The following LIAT1 variants were observed in gnomAD, a reference collection of about 807,000 sequenced individuals.
LIAT1 encodes ligand of ATE1, also known as protein LIAT1.
chr17:410,795 G>C, the LIAT1 span: 4 of 705,026 alleles, frequency 5.7e-6, no homozygotes, highest in Middle Eastern at 1.1e-3. Context: ...CCCGTCAGCA[G>C]CACGTTGATG....
At chr17:414,299 G>A in the LIAT1 span, 1 of 661,732 alleles carries the variant, frequency 1.5e-6, no homozygotes, top group Admixed American at 2.8e-5. The surrounding 1 kb of genome is among the most constrained non-coding windows in gnomAD (Gnocchi z 4.1). Flanking sequence ...ACAGTGCCTT[G>A]AGAACATAAG....
At chr17:414,271 C>T in the LIAT1 span, 43 of 925,498 alleles carry the variant, frequency 4.6e-5, no homozygotes, top group Non-Finnish European at 6.5e-5. The surrounding 1 kb of genome is among the most constrained non-coding windows in gnomAD (Gnocchi z 4.1). Context: ...AAGCTGCCCT[C>T]GGTTGCCCAG....
the LIAT1 span, among the ~76,000 whole-genome samples, chr17:411,534 C>A: frequency 1.3e-5 from 2 of 152,078 alleles, no homozygotes; most frequent in Non-Finnish European, 2.9e-5. Context: ...CCCTGTCTCT[C>A]AAAAAAACAA....
At chr17:413,491 C>G in the LIAT1 span, 3 of 1,497,158 alleles carry the variant, frequency 2.0e-6, no homozygotes, top group Non-Finnish European at 2.7e-6. Context: ...AGGGCTTCCA[C>G]CCCGACCCCG....
the LIAT1 span, chr17:413,330 G>A: frequency 6.2e-7 from 1 of 1,614,246 alleles, no homozygotes. Context: ...AGAGAACCTT[G>A]CGAATCGGAT....
At chr17:410,625 A>G in the LIAT1 span, 1 of 1,542,294 alleles carries the variant, frequency 6.5e-7, no homozygotes, top group Admixed American at 2.0e-5. Context: ...GAAGAAGACC[A>G]AGGGGTCTGG....
chr17:413,563 G>C, the LIAT1 span: 2 of 1,506,642 alleles, frequency 1.3e-6, no homozygotes, highest in South Asian at 2.3e-5. Context: ...CCGACCCCGA[G>C]GCCCTCAAGG....
At chr17:414,080 C>A in the LIAT1 span, 1 of 1,614,190 alleles carries the variant, frequency 6.2e-7, no homozygotes. This position sits in a 1 kb window ranked among gnomAD's most constrained non-coding sequence, Gnocchi z 4.1. Context: ...CCCAAAGCTT[C>A]TACACTCTGA....
At chr17:410,783 T>G in the LIAT1 span, 2 of 744,164 alleles carry the variant, frequency 2.7e-6, no homozygotes, top group Non-Finnish European at 2.2e-6. Context: ...TCCCCACACA[T>G]GCCCGTCAGC....
At chr17:410,374 G>T in the LIAT1 span, 1 of 1,515,712 alleles carries the variant, frequency 6.6e-7, no homozygotes, top group Non-Finnish European at 8.7e-7. Context: ...CTGGCGGTCC[G>T]CGCTGAGAGT....
At chr17:410,931 C>T in the LIAT1 span, among the ~76,000 whole-genome samples, 1 of 152,176 alleles carries the variant, frequency 6.6e-6, no homozygotes, top group Non-Finnish European at 1.5e-5. Context: ...CTCTCAACTT[C>T]CTAATCCCTC....
At chr17:413,369 C>T in the LIAT1 span, 1 of 1,614,264 alleles carries the variant, frequency 6.2e-7, no homozygotes, top group South Asian at 1.1e-5. Flanking sequence ...GGATGGAATT[C>T]TTGCTGACCC....
At chr17:413,801 G>A in the LIAT1 span, 8 of 1,340,826 alleles carry the variant, frequency 6.0e-6, no homozygotes, top group Middle Eastern at 2.5e-4. Flanking sequence ...CACTGACCCC[G>A]AGGCCCTCAA....
the LIAT1 span, chr17:413,688 T>A: frequency 6.4e-7 from 1 of 1,566,304 alleles, no homozygotes; most frequent in East Asian, 2.3e-5. Context: ...CCCGAGGCCC[T>A]CAAGGGTTTC....
chr17:410,345 G>C, the LIAT1 span: 4 of 1,474,422 alleles, frequency 2.7e-6, no homozygotes, highest in Non-Finnish European at 2.7e-6. Context: ...TGGTCGCCAT[G>C]GAGACGCGTG....
the LIAT1 span, chr17:410,682 G>T: frequency 1.3e-6 from 2 of 1,528,890 alleles, no homozygotes; most frequent in East Asian, 2.4e-5. Context: ...CGTCAGCTCC[G>T]GTTCCCTGGA....
At chr17:414,136 C>A in the LIAT1 span, 23 of 1,602,918 alleles carry the variant, frequency 1.4e-5, no homozygotes, top group Non-Finnish European at 1.8e-5. The surrounding 1 kb of genome is among the most constrained non-coding windows in gnomAD (Gnocchi z 4.1). Flanking sequence ...ACGACGCTCA[C>A]AAACTTATAA....
At chr17:414,425 C>T in the LIAT1 span, 9 of 318,706 alleles carry the variant, frequency 2.8e-5, no homozygotes, top group South Asian at 2.6e-4. The surrounding 1 kb of genome is among the most constrained non-coding windows in gnomAD (Gnocchi z 4.1). Context: ...GAAAAGAAAG[C>T]GTGTAGATGA....
the LIAT1 span, chr17:410,743 C>A: frequency 2.5e-6 from 3 of 1,195,524 alleles, no homozygotes; most frequent in Non-Finnish European, 3.5e-6. Flanking sequence ...GAAACAGAAG[C>A]TCAGTGGTCC....
Sources: gnomAD v4.1 joint callset for allele counts (sites outside exome capture counted in the v4.1 genomes callset) on GRCh38, gnomAD v4.1.1 for gene constraint, Gnocchi (gnomAD v3.1) non-coding constraint, MANE v1.5 for transcripts, NCBI Gene and HGNC (gene_info 2026-07-23, HGNC 2026-07-21) for gene names.